SRCAP: variants seen among roughly 807,000 people sequenced by gnomAD.
SRCAP encodes the protein Snf2 related CREBBP activator protein, also known as chromatin remodeling protein SRCAP.
SRCAP carries 46 observed loss-of-function variants against 263.1 expected under a neutral mutation model. The ratio of observed to expected loss-of-function variants is 0.17; its 90% CI spans 0.14 to 0.22. The LOEUF is 0.22. SRCAP is among the 10% of genes least tolerant of loss of function. The pLI is 1.00. For missense variants in SRCAP, 3,695 were observed against 4,181.9 expected, an observed-to-expected ratio of 0.88 and a Z score of 3.21; for synonymous variants, 1,813 against 1,662.1, an observed-to-expected ratio of 1.09 and a Z score of -2.21.
rs150939573 is a variant in SRCAP, at chr16:30,732,705, T to C, written c.6128-575T>C. 4.5e-3 allele frequency among the ~76,000 whole-genome samples: 680 copies of C among 152,320 alleles called. 4 individuals carry two copies. Among genetic ancestry groups the C allele is most frequent in the African/African-American group, 0.015 (643 of 41,558 alleles). ...TTAAGGATCTCTTGCTCATAAAGCA[T>C]TGGGGATTCTGTTTTTCCCTCGATG... On this transcript the variant is annotated intron_variant, in intron 27 of 33. Transcript: ENST00000262518.
At chr16:30,729,349 G>A (rs751222879) in intron 26 of SRCAP, 21 bp from the exon 27 acceptor site, 2 of 1,613,612 alleles carry the variant, frequency 1.2e-6, no homozygotes, top group East Asian at 4.5e-5. Context: ...CTTTTACACT[G>A]CCTGCTTCTT....
In SRCAP at chr16:30,707,604, G is replaced by A. The variant is rs1023523307; in HGVS notation, c.525G>A (p.Glu175=). The A allele has an allele frequency of 6.2e-7, 1 of 1,613,950 alleles. No homozygotes were observed. Among genetic ancestry groups the A allele is most frequent in the Non-Finnish European group, 8.5e-7 (1 of 1,179,936 alleles). Residue 175 remains glutamate (E), a synonymous_variant, in exon 6 of 34, where the codon GAG becomes GAA. Transcript: ENST00000262518. ...VVRMVIRHHE[E]QRQKEERARR... is the part of the protein sequence containing the mutation. ...GCATGGTGATCCGGCACCACGAGGA[G>A]CAGCGGCAGAAAGAGGAACGGGCCC...
intron 4 of SRCAP, 130 bp downstream of exon 4, chr16:30,704,445 A>G (rs1289191528): frequency 3.4e-6 from 4 of 1,163,586 alleles, no homozygotes; most frequent in Non-Finnish European, 3.6e-6. Flanking sequence ...CTTAATGTAT[A>G]TGATCGTGAG....
rs1238293217 is a variant in SRCAP at position 30,724,288 on chromosome 16, C to T, written c.4864C>T (p.Leu1622=). 22 of 1,614,144 alleles carry T rather than the reference C, an allele frequency of 1.4e-5. No individual in the cohort carries two copies. The highest frequency in any genetic ancestry group is 3.3e-5 in the Admixed American group (2 of 60,014). Residue 1622 remains leucine (L), a synonymous_variant, in exon 25 of 34, where the codon CTG becomes TTG. Coordinates refer to ENST00000262518, the MANE Select transcript of SRCAP (RefSeq NM_006662.3). ...LAPSPGAAPV[L]ASSQTPVPVM... Reference sequence around the variant, plus strand: ...ACCATCGCCAGGTGCTGCTCCTGTCCTGGCTTCATCACAGACTCCGGTTCC... The same window carrying T: ...ACCATCGCCAGGTGCTGCTCCTGTCTTGGCTTCATCACAGACTCCGGTTCC...
chr16:30,724,369 C>G lies in SRCAP; in HGVS notation c.4945C>G (p.Pro1649Ala), dbSNP rs770465640. The change falls in exon 25 of 34, where the codon CCA becomes GCA. Residue 1649 changes from proline to alanine, a missense_variant. Physicochemically the swap from Pro to Ala is conservative, Grantham distance 27. This residue lies in a region of SRCAP where 1,347 missense variants were observed against 1,304.4 expected (regional missense o/e 1.03). Transcript: ENST00000262518. Reference sequence around the variant, plus strand: ...CTCTTTAGCCTCAGCTTCACCGGTACCAGCTCCAACCCCTGTGTTGGCTCC... The same window carrying G: ...CTCTTTAGCCTCAGCTTCACCGGTAGCAGCTCCAACCCCTGTGTTGGCTCC... ...GTSLASASPV[P>A]APTPVLAPSS... 1.1e-5 allele frequency: 18 copies of G among 1,614,082 alleles called. No individual in the cohort carries two copies. Among genetic ancestry groups the G allele is most frequent in the Non-Finnish European group, 1.4e-5 (17 of 1,180,052 alleles).
In SRCAP at chr16:30,704,113, C is replaced by G. The variant is rs1219103936; in HGVS notation, c.104C>G (p.Ser35Cys). Residue 35 changes from serine (S) to cysteine (C), a missense_variant, in exon 4 of 34, where the codon TCC (serine) becomes TGC (cysteine). By Grantham distance (112) the Ser-to-Cys change is moderately radical (BLOSUM62 -1). Transcript: ENST00000262518. ...AGCAATCCTGTGTCCCCTGCCTCAT[C>G]CAGTTCCCCAGCCTCTAGTGGGGCA... is the stretch of plus-strand genomic sequence containing the variant. Reference protein sequence around the residue: ...TGSNPVSPASSSSPASSGAGG... With the variant: ...TGSNPVSPASCSSPASSGAGG... The G allele has an allele frequency of 6.2e-7, 1 of 1,614,144 alleles. No individual in the cohort carries two copies. Among genetic ancestry groups the G allele is most frequent in the South Asian group, 1.1e-5 (1 of 91,074 alleles).
chr16:30,722,860 C>G, intron 23 of SRCAP, 103 bp from the exon 24 acceptor site: 3 of 1,547,154 alleles, frequency 1.9e-6, no homozygotes, highest in African/African-American at 1.4e-5. Context: ...TTGCGAATAT[C>G]TATGATACCT....
intron 30 of SRCAP, 94 bp downstream of exon 30, chr16:30,734,102 G>A: frequency 8.7e-7 from 1 of 1,142,914 alleles, no homozygotes; most frequent in Non-Finnish European, 1.2e-6. Context: ...TTGGACTTTG[G>A]GAGGCTGAGG....
At position 30,710,839 on chromosome 16, in the gene SRCAP, A is replaced by T. The variant is rs781392583; in HGVS notation, c.1220A>T (p.Glu407Val). The change falls in exon 9 of 34, where the codon GAA (glutamate) becomes GTA (valine). Residue 407 changes from glutamate to valine, a missense_variant. Coordinates refer to ENST00000262518, the MANE Select transcript of SRCAP (RefSeq NM_006662.3). ...DEDDEEFTAN[E>V]EEAEDEEDTI... Reference sequence around the variant, plus strand: ...GATGATGAAGAGTTTACTGCCAACGAAGAGGAAGGTCAGGGCTGTTCGGTT... The same window carrying T: ...GATGATGAAGAGTTTACTGCCAACGTAGAGGAAGGTCAGGGCTGTTCGGTT... 3 of 1,614,066 alleles carry T rather than the reference A, an allele frequency of 1.9e-6. No individual in the cohort carries two copies. Among genetic ancestry groups the T allele is most frequent in the Non-Finnish European group, 2.5e-6 (3 of 1,180,038 alleles).
At position 30,723,592 on chromosome 16, in the gene SRCAP, C is replaced by T; in HGVS notation, c.4168C>T (p.Pro1390Ser). The T allele has an allele frequency of 1.2e-6, 2 of 1,612,436 alleles. No individual in the cohort carries two copies. The highest frequency in any genetic ancestry group is 1.7e-6 in the Non-Finnish European group (2 of 1,179,088). ...SPSPEVSASAPGAAPLTISSP... is the reference protein window; with the variant it reads ...SPSPEVSASASGAAPLTISSP... The stretch of plus-strand genomic sequence containing the variant: ...ATCCTCTCTCTCCACAGCTTCAGCC[C>T]CCGGAGCTGCCCCCTTGACCATCTC... Residue 1390 changes from proline to serine, a missense_variant, in exon 25 of 34, where the codon CCC (proline) becomes TCC (serine). Transcript: ENST00000262518.
At position 30,739,296 on chromosome 16, in the gene SRCAP, G is replaced by T. The variant is rs767684388; in HGVS notation, c.9256G>T (p.Val3086Leu). The T allele has an allele frequency of 1.2e-6, 2 of 1,614,176 alleles. No homozygotes were observed. The highest frequency in any genetic ancestry group is 1.3e-5 in the African/African-American group (1 of 75,072). ...MRGRKSGGSM[V>L]VAVIQDDLDL... Reference sequence around the variant, plus strand: ...AGGACGGAAGAGTGGAGGGTCCATGGTGGTGGCTGTAATTCAGGATGACCT... The same window carrying T: ...AGGACGGAAGAGTGGAGGGTCCATGTTGGTGGCTGTAATTCAGGATGACCT... The change falls in exon 34 of 34, where the codon GTG (valine) becomes TTG (leucine). Residue 3086 changes from valine to leucine, a missense_variant. Val to Leu is a conservative substitution (Grantham distance 32). Transcript: ENST00000262518.
At chr16:30,718,715 C>A (rs542901035) in intron 18 of SRCAP, among the ~76,000 whole-genome samples, 1 of 149,576 alleles carries the variant, frequency 6.7e-6, no homozygotes, top group Non-Finnish European at 1.5e-5. Context: ...AGATAATCTG[C>A]CTGCCTTGGC....
intron 25 of SRCAP, among the ~76,000 whole-genome samples, chr16:30,728,372 G>A (rs556799386): frequency 6.6e-6 from 1 of 152,326 alleles, no homozygotes; most frequent in East Asian, 1.9e-4. Context: ...TTTTCAGACT[G>A]TGAAACTGGA....
rs762029394 is a variant in SRCAP at position 30,723,830 on chromosome 16, G to T, written c.4406G>T (p.Gly1469Val). 7 of 1,613,892 alleles carry T rather than the reference G, an allele frequency of 4.3e-6. No individual in the cohort carries two copies. The highest frequency in any genetic ancestry group is 1.3e-5 in the African/African-American group (1 of 74,818). Residue 1469 changes from glycine (G) to valine (V), a missense_variant, in exon 25 of 34, where the codon GGC (glycine) becomes GTC (valine). Transcript: ENST00000262518. ...ISAPLTVSAS[G>V]PALLTSVTPP... ...GCCCCCTTGACTGTTTCTGCTTCGG[G>T]CCCAGCTCTGTTGACCAGTGTGACT... is the stretch of plus-strand genomic sequence containing the variant.
chr16:30,715,493 A>AGGC (rs2052938861), intron 16 of SRCAP, among the ~76,000 whole-genome samples: 1 of 151,452 alleles, frequency 6.6e-6, no homozygotes, highest in African/African-American at 2.4e-5. Flanking sequence ...TGAACCCGGG[A>AGGC]GGCAGAGCTT....
intron 18 of SRCAP, 43 bp downstream of exon 18, chr16:30,716,522 A>C: frequency 6.4e-7 from 1 of 1,554,542 alleles, no homozygotes; most frequent in Non-Finnish European, 8.7e-7. Flanking sequence ...GGTTATCGGC[A>C]TTACTCCAAC....
chr16:30,709,480 C>G, intron 6 of SRCAP, 33 bp from the exon 7 acceptor site: 2 of 1,608,996 alleles, frequency 1.2e-6, no homozygotes, highest in Non-Finnish European at 1.7e-6. Flanking sequence ...AAATGGTTAT[C>G]TTGGTGAGCA....
Position 30,739,251 on chromosome 16 carries a change from C to T in SRCAP, c.9211C>T (p.Leu3071Phe), listed in dbSNP as rs931858716. 20 of 1,613,764 alleles carry T rather than the reference C, an allele frequency of 1.2e-5. No individual in the cohort carries two copies. Among genetic ancestry groups the T allele is most frequent in the African/African-American group, 1.3e-5 (1 of 74,948 alleles). The change falls in exon 34 of 34, where the codon CTT becomes TTT. Residue 3071 changes from leucine (L) to phenylalanine (F), a missense_variant. Leu to Phe is a conservative substitution (Grantham distance 22). This residue lies in a region of SRCAP where 1,207 missense variants were observed against 1,142.9 expected (regional missense o/e 1.06). Transcript: ENST00000262518. ...CCTCACCCGCCTGGCCCGCCTTCGG[C>T]TTGAAGCAGAAGGAATGCGAGGACG... ...RPLTRLARLR[L>F]EAEGMRGRKS... is the part of the protein sequence containing the mutation.
intron 18 of SRCAP, among the ~76,000 whole-genome samples, chr16:30,719,710 T>TA (rs1395183149): frequency 1.3e-5 from 2 of 152,108 alleles, no homozygotes; most frequent in African/African-American, 4.8e-5. Flanking sequence ...GACGGGGTCT[T>TA]ACTATGTTGC....
Sources: gnomAD v4.1 joint callset for allele counts (sites outside exome capture counted in the v4.1 genomes callset) on GRCh38, gnomAD v4.1.1 for gene constraint, gnomAD v4.1.1 regional missense constraint, MANE v1.5 for transcripts, NCBI Gene and HGNC (gene_info 2026-07-23, HGNC 2026-07-21) for gene names.